The following SYNRG variants were observed in gnomAD, a reference collection of about 807,000 sequenced individuals.
SYNRG encodes AP1 gamma subunit binding protein 1.
SYNRG carries 37 observed loss-of-function variants against 130.9 expected under a neutral mutation model. The observed-to-expected ratio is 0.28, with a 90% confidence interval of 0.22 to 0.37. SYNRG has a LOEUF of 0.37. SYNRG is among the 10% of genes least tolerant of loss of function. SYNRG has a pLI of 1.00. For synonymous variants in SYNRG, 539 were observed against 568.1 expected, an observed-to-expected ratio of 0.95 and a Z score of 0.73; for missense variants, 1,338 against 1,588.9, an observed-to-expected ratio of 0.84 and a Z score of 2.68.
chr17:37,551,292 A>G (rs2058690129), intron 14 of SYNRG, among the ~76,000 whole-genome samples: 1 of 152,234 alleles, frequency 6.6e-6, no homozygotes, highest in South Asian at 2.1e-4. Context: ...ATTTTGCACA[A>G]CAGCAATATA....
Position 37,540,430 on chromosome 17 carries a change from C to G in SYNRG, c.3316G>C (p.Ala1106Pro). Residue 1106 changes from alanine (A) to proline (P), a missense_variant, in exon 16 of 22, where the codon GCC (alanine) becomes CCC (proline). By Grantham distance (27) the Ala-to-Pro change is conservative. Around this residue, in one of 3 missense-constraint regions of SYNRG, gnomAD observed 1,146 missense variants for 1,342.3 expected, o/e 0.85. Coordinates refer to ENST00000612223, the MANE Select transcript of SYNRG (RefSeq NM_007247.6). ...TACTTGTCTCGGATGACGGGCAGGG[C>G]GGGCTTCTCATTCAGAGTATTGGAA... ...DRSNTLNEKPALPVIRDKYKD... is the reference protein window; with the variant it reads ...DRSNTLNEKPPLPVIRDKYKD... 6.2e-7 allele frequency: 1 copy of G among 1,613,838 alleles called. No homozygotes were observed.
chr17:37,553,770 A>G lies in SYNRG; in HGVS notation c.1953T>C (p.Ser651=). The change falls in exon 14 of 22, where the codon TCT becomes TCC. Residue 651 remains serine (S), a synonymous_variant. Transcript: ENST00000612223. ...CTGCCAATGCTGTCATAGTAGCAGC[A>G]GAACCTGTTGACTGTGGTGTAGAAA... ...KSVSTPQSTG[S]AATMTALAAT... 1 of 1,612,494 alleles carries G rather than the reference A, an allele frequency of 6.2e-7. No individual in the cohort carries two copies. The highest frequency in any genetic ancestry group is 1.3e-5 in the African/African-American group (1 of 74,900).
intron 12 of SYNRG, 60 bp from the exon 13 acceptor site, chr17:37,561,317 G>A: frequency 1.9e-6 from 3 of 1,569,526 alleles, no homozygotes; most frequent in Non-Finnish European, 2.6e-6. Flanking sequence ...ACAGCTCCAG[G>A]AAGTGAGGCA....
chr17:37,520,590 G>T lies in SYNRG; in HGVS notation c.3725C>A (p.Ala1242Asp). Reference sequence around the variant, plus strand: ...GCACACTCCACAGGCAAGCTCCTGAGCATTTTTAATCCCAGGCCGTAACAT... The same window carrying T: ...GCACACTCCACAGGCAAGCTCCTGATCATTTTTAATCCCAGGCCGTAACAT... ...SCMLRPGIKNAQELACGVCLL... is the reference protein window; with the variant it reads ...SCMLRPGIKNDQELACGVCLL... The change falls in exon 20 of 22, where the codon GCT (alanine) becomes GAT (aspartate). Residue 1242 changes from alanine to aspartate, a missense_variant. This residue lies in a region of SYNRG where 1,146 missense variants were observed against 1,342.3 expected (regional missense o/e 0.85). Coordinates refer to ENST00000612223, the MANE Select transcript of SYNRG (RefSeq NM_007247.6). The T allele has an allele frequency of 6.2e-7, 1 of 1,614,176 alleles. No homozygotes were observed.
At chr17:37,539,379 TTTTG>T in intron 16 of SYNRG, 134 bp from the exon 17 acceptor site, 1 of 886,328 alleles carries the variant, frequency 1.1e-6, no homozygotes, top group Non-Finnish European at 1.7e-6. Flanking sequence ...TTTATGTTTT[TTTTG>T]TTTTTGTTTT....
At chr17:37,601,997 C>G (rs1279691048) in intron 1 of SYNRG, among the ~76,000 whole-genome samples, 1 of 151,820 alleles carries the variant, frequency 6.6e-6, no homozygotes. Context: ...GCCTGGGCGA[C>G]AGAGTGAGAT....
intron 18 of SYNRG, chr17:37,536,394 G>A (rs2057197165): frequency 2.3e-6 from 1 of 441,508 alleles, no homozygotes; most frequent in African/African-American, 2.0e-5. Flanking sequence ...TAATCTCTCT[G>A]TACCTCAGTT....
At chr17:37,572,434 A>C (rs2060504171) in intron 8 of SYNRG, among the ~76,000 whole-genome samples, 1 of 152,120 alleles carries the variant, frequency 6.6e-6, no homozygotes, top group Non-Finnish European at 1.5e-5. Context: ...CCGTTTCAAA[A>C]AAAAAAAGAA....
intron 13 of SYNRG, among the ~76,000 whole-genome samples, chr17:37,558,277 C>T (rs1353051911): frequency 6.6e-6 from 1 of 152,122 alleles, no homozygotes; most frequent in Non-Finnish European, 1.5e-5. Context: ...TCTACCATAC[C>T]TACCTACCTT....
At chr17:37,522,632 T>C (rs917603292) in intron 19 of SYNRG, among the ~76,000 whole-genome samples, 4 of 134,008 alleles carry the variant, frequency 3.0e-5, no homozygotes, top group African/African-American at 1.1e-4. Context: ...CATGCCCAGC[T>C]AACACTTTTT....
At position 37,585,315 on chromosome 17, in the gene SYNRG, G is replaced by T. The variant is rs767290179; in HGVS notation, c.477+10C>A. 1.2e-6 allele frequency: 2 copies of T among 1,604,284 alleles called. No homozygotes were observed. Among genetic ancestry groups the T allele is most frequent in the Admixed American group, 1.7e-5 (1 of 59,084 alleles). On this transcript the variant is annotated intron_variant, in intron 5 of 21. Transcript: ENST00000612223. Reference sequence around the variant, plus strand: ...TATGTTCTGGGTGAAGAGAAGTATTGAAATACTACCTTGGGTTTCACACTG... The same window carrying T: ...TATGTTCTGGGTGAAGAGAAGTATTTAAATACTACCTTGGGTTTCACACTG...
intron 15 of SYNRG, chr17:37,540,936 C>T (rs759578596): frequency 3.0e-6 from 3 of 994,282 alleles, no homozygotes; most frequent in Non-Finnish European, 3.6e-6. Flanking sequence ...GCCCAGCCCA[C>T]GACCCTCTTC....
chr17:37,519,981 C>G (rs191079479), intron 21 of SYNRG, among the ~76,000 whole-genome samples, 198 bp downstream of exon 21: 1 of 152,238 alleles, frequency 6.6e-6, no homozygotes, highest in African/African-American at 2.4e-5. Context: ...TTATGTGAAA[C>G]AAGCATGCAA....
intron 19 of SYNRG, among the ~76,000 whole-genome samples, chr17:37,532,214 C>T (rs748736204): frequency 1.3e-5 from 2 of 152,190 alleles, no homozygotes; most frequent in Non-Finnish European, 2.9e-5. Flanking sequence ...AGATGAAAAA[C>T]ACAGTCTTGA....
chr17:37,582,883 T>C (rs1168137987), intron 6 of SYNRG, among the ~76,000 whole-genome samples: 1 of 152,148 alleles, frequency 6.6e-6, no homozygotes, highest in Non-Finnish European at 1.5e-5. Flanking sequence ...TCAATATAGT[T>C]TGTATATTCA....
At chr17:37,526,428 T>C (rs187943513) in intron 19 of SYNRG, among the ~76,000 whole-genome samples, 17 of 152,374 alleles carry the variant, frequency 1.1e-4, no homozygotes, top group Middle Eastern at 3.4e-3. Context: ...ACAGGTTCCA[T>C]AGGCAATTAT....
intron 3 of SYNRG, among the ~76,000 whole-genome samples, chr17:37,593,557 G>A (rs2062400780): frequency 6.6e-6 from 1 of 152,010 alleles, no homozygotes; most frequent in Non-Finnish European, 1.5e-5. Context: ...CGGGGTGGGG[G>A]GAAATAAAAT....
At position 37,590,854 on chromosome 17, in the gene SYNRG, A is replaced by T. The variant is rs528837755; in HGVS notation, c.241-4305T>A. Among the ~76,000 whole-genome samples the T allele has an allele frequency of 7.2e-5, 11 of 152,242 alleles. No individual in the cohort carries two copies. In the South Asian group the frequency reaches 2.3e-3, roughly 32 times the overall value. ...AGAATTGCTTGAACCCAGGAGGCGGAGTCTGCAGTGAGTCGAGATCGCGCC... is the reference window on the plus strand; with the variant it reads ...AGAATTGCTTGAACCCAGGAGGCGGTGTCTGCAGTGAGTCGAGATCGCGCC... On this transcript the variant is annotated intron_variant, in intron 3 of 21. Transcript: ENST00000612223.
At chr17:37,581,352 A>T (rs2061320450) in intron 6 of SYNRG, among the ~76,000 whole-genome samples, 1 of 152,064 alleles carries the variant, frequency 6.6e-6, no homozygotes, top group African/African-American at 2.4e-5. Context: ...ATCTCAGCTC[A>T]CCGCAACCTC....
Sources: allele counts gnomAD v4.1 joint callset (sites outside exome capture counted in the v4.1 genomes callset), GRCh38; gene constraint gnomAD v4.1.1; regional missense constraint gnomAD v4.1.1; transcripts MANE v1.5; gene names NCBI Gene and HGNC (gene_info 2026-07-23, HGNC 2026-07-21).